The following LARGE1 variants were observed in gnomAD, a reference collection of about 807,000 sequenced individuals.
The protein encoded by LARGE1 is LARGE xylosyl- and glucuronyltransferase 1.
Under a neutral mutation model 87.6 loss-of-function variants are expected in LARGE1, and 43 were observed. The ratio of observed to expected loss-of-function variants is 0.49; its 90% confidence interval spans 0.38 to 0.63. The LOEUF (loss-of-function observed/expected upper bound fraction) is 0.63, where lower values mean the gene tolerates loss of function less well. Ranked by LOEUF, LARGE1 falls within the 30% of genes least tolerant of loss-of-function variation. The probability of loss-of-function intolerance (pLI) is 0.00; values close to 1 mark genes in which losing one functional copy is unlikely to be tolerated. For missense variants in LARGE1, 802 were observed against 1,000.2 expected, an observed-to-expected ratio of 0.80 and a Z score of 2.67; for synonymous variants, 434 against 394.6, an observed-to-expected ratio of 1.10 and a Z score of -1.18.
chr22:33,701,706 T>C (rs775857269), intron 2 of LARGE1, among the ~76,000 whole-genome samples: 19 of 152,336 alleles, frequency 1.2e-4, no homozygotes, highest in Admixed American at 2.6e-4. Flanking sequence ...TGAAGTTCCA[T>C]GGCCATGCCC....
chr22:33,384,030 G>C (rs555593635), intron 8 of LARGE1, among the ~76,000 whole-genome samples, 162 bp downstream of exon 8: 1 of 152,348 alleles, frequency 6.6e-6, no homozygotes, highest in Non-Finnish European at 1.5e-5. Context: ...CTAAGGAGTT[G>C]AGCTGTTGTC....
intron 1 of LARGE1, among the ~76,000 whole-genome samples, chr22:33,826,374 G>A (rs190057297): frequency 7.0e-6 from 1 of 142,162 alleles, no homozygotes; most frequent in Non-Finnish European, 1.5e-5. Context: ...ATGGAGTCTC[G>A]CTCTGTCGCA....
intron 7 of LARGE1, among the ~76,000 whole-genome samples, chr22:33,405,884 T>C (rs1448737212): frequency 1.3e-5 from 2 of 152,194 alleles, no homozygotes; most frequent in Non-Finnish European, 1.5e-5. Context: ...TGTTTACTAA[T>C]CTGTGGTTAC....
At chr22:33,303,788 A>C (rs1216436325) in intron 12 of LARGE1, among the ~76,000 whole-genome samples, 1 of 141,524 alleles carries the variant, frequency 7.1e-6, no homozygotes, top group Non-Finnish European at 1.5e-5. Context: ...AGCCCAGCTA[A>C]TTTTTTTGGT....
intron 6 of LARGE1, among the ~76,000 whole-genome samples, chr22:33,435,242 T>G (rs551228339): frequency 2.0e-5 from 3 of 152,182 alleles, no homozygotes; most frequent in Non-Finnish European, 2.9e-5. Flanking sequence ...CCTCAGGCGA[T>G]CCTCCCACCG....
chr22:33,727,317 C>T (rs180717357), intron 2 of LARGE1, among the ~76,000 whole-genome samples: 1 of 152,292 alleles, frequency 6.6e-6, no homozygotes, highest in East Asian at 1.9e-4. Flanking sequence ...GGGCACTGAA[C>T]AGAGGGTGAT....
At chr22:33,452,814 C>T (rs1394990431) in intron 6 of LARGE1, among the ~76,000 whole-genome samples, 3 of 152,182 alleles carry the variant, frequency 2.0e-5, no homozygotes, top group Non-Finnish European at 4.4e-5. Context: ...CCATCCTTTT[C>T]CTTACTCAAA....
intron 3 of LARGE1, among the ~76,000 whole-genome samples, chr22:33,640,388 CT>C (rs2080391777): frequency 6.6e-6 from 1 of 152,142 alleles, no homozygotes; most frequent in Non-Finnish European, 1.5e-5. Context: ...CCAAAAATAA[CT>C]TTTTAAGAAT....
chr22:33,222,649 T>C (rs879434358), intron 11 of LARGE1, among the ~76,000 whole-genome samples: 2 of 152,106 alleles, frequency 1.3e-5, no homozygotes, highest in African/African-American at 4.8e-5. Flanking sequence ...GAAACTGGAA[T>C]GAGCAGCCAC....
chr22:33,072,553 T>TA, the LARGE1 span, among the ~76,000 whole-genome samples: 1 of 152,112 alleles, frequency 6.6e-6, no homozygotes, highest in Non-Finnish European at 1.5e-5. Flanking sequence ...GGGAAGCTCA[T>TA]AAAAAAGTGA....
At chr22:33,178,593 T>G (rs2146158193) in intron 11 of LARGE1, among the ~76,000 whole-genome samples, 1 of 152,218 alleles carries the variant, frequency 6.6e-6, no homozygotes, top group East Asian at 1.9e-4. Context: ...TTTTTTGGGG[T>G]TTTGCTTTAT....
At chr22:33,654,640 C>G (rs2080910665) in intron 2 of LARGE1, among the ~76,000 whole-genome samples, 1 of 152,170 alleles carries the variant, frequency 6.6e-6, no homozygotes, top group African/African-American at 2.4e-5. Context: ...GAACAGCCAG[C>G]CTCCTTACGT....
the LARGE1 span, among the ~76,000 whole-genome samples, chr22:33,124,382 A>AAGGAAGGG: frequency 2.0e-5 from 3 of 148,846 alleles, no homozygotes; most frequent in African/African-American, 4.9e-5. Context: ...GGAAGGAAGG[A>AAGGAAGGG]AGGGAGGAAG....
chr22:33,692,827 T>C (rs2082133721), intron 2 of LARGE1, among the ~76,000 whole-genome samples: 1 of 152,192 alleles, frequency 6.6e-6, no homozygotes, highest in African/African-American at 2.4e-5. Flanking sequence ...TATGTACTTT[T>C]TATGAAGTTT....
chr22:33,381,828 T>G, intron 9 of LARGE1, 91 bp downstream of exon 9: 1 of 1,508,034 alleles, frequency 6.6e-7, no homozygotes, highest in Non-Finnish European at 9.2e-7. Context: ...CTCACCACAT[T>G]GCACATAAAT....
chr22:33,875,940 G>A (rs1239374089), intron 1 of LARGE1, among the ~76,000 whole-genome samples: 1 of 152,134 alleles, frequency 6.6e-6, no homozygotes, highest in Non-Finnish European at 1.5e-5. Flanking sequence ...CAGAGCTATG[G>A]GTTCCTCCTC....
chr22:33,872,067 GTTCC>G (rs1237307442), intron 1 of LARGE1, among the ~76,000 whole-genome samples: 1 of 151,656 alleles, frequency 6.6e-6, no homozygotes, highest in Non-Finnish European at 1.5e-5. Flanking sequence ...GATGGAGGGG[GTTCC>G]TTCGAGTTGA....
chr22:33,528,327 C>A (rs941149619), intron 6 of LARGE1, among the ~76,000 whole-genome samples: 1 of 152,092 alleles, frequency 6.6e-6, no homozygotes, highest in Non-Finnish European at 1.5e-5. Flanking sequence ...ACAGACACTT[C>A]ACCAGAGGGA....
chr22:33,717,811 T>A (rs2082956291), intron 2 of LARGE1, among the ~76,000 whole-genome samples: 1 of 152,218 alleles, frequency 6.6e-6, no homozygotes, highest in Non-Finnish European at 1.5e-5. Context: ...TGAAATCTCA[T>A]TTCAAATGCA....
Sources: gnomAD v4.1 joint callset for allele counts (sites outside exome capture counted in the v4.1 genomes callset) on GRCh38, gnomAD v4.1.1 for gene constraint, MANE v1.5 for transcripts, NCBI Gene and HGNC (gene_info 2026-07-23, HGNC 2026-07-21) for gene names.